Variants in TCERG1L observed in about 807,000 individuals in gnomAD.
TCERG1L encodes transcription elongation regulator 1 like, also known as transcription elongation regulator 1-like protein.
Under a neutral mutation model 56.3 loss-of-function variants are expected in TCERG1L, and 37 were observed. The observed-to-expected ratio is 0.66, with a 90% confidence interval of 0.51 to 0.87. The LOEUF (loss-of-function observed/expected upper bound fraction) is 0.87, where lower values mean the gene tolerates loss of function less well. Ranked by LOEUF, TCERG1L falls within the 40% of genes least tolerant of loss-of-function variation. TCERG1L has a pLI of 0.00. For synonymous variants in TCERG1L, 324 were observed against 326.3 expected (o/e 0.99, Z 0.08); for missense variants, 799 against 774.2 (o/e 1.03, Z -0.38).
At chr10:131,154,218 A>G (rs757615997) in intron 6 of TCERG1L, among the ~76,000 whole-genome samples, 1 of 152,130 alleles carries the variant, frequency 6.6e-6, no homozygotes, top group African/African-American at 2.4e-5. Context: ...CATCCACACC[A>G]AGCAGCCGCA....
chr10:131,120,592 T>G (rs1393980061), intron 8 of TCERG1L, among the ~76,000 whole-genome samples: 3 of 152,258 alleles, frequency 2.0e-5, no homozygotes, highest in African/African-American at 7.2e-5. Flanking sequence ...CCAGCCAGGC[T>G]GAGGCACCCA....
chr10:131,140,117 T>C (rs895758451), intron 7 of TCERG1L, among the ~76,000 whole-genome samples: 3 of 152,226 alleles, frequency 2.0e-5, no homozygotes, highest in Admixed American at 2.0e-4. Flanking sequence ...GATGGGATCC[T>C]AGGCACGCCT....
At chr10:131,138,867 A>C (rs1024671647) in intron 7 of TCERG1L, among the ~76,000 whole-genome samples, 3 of 152,236 alleles carry the variant, frequency 2.0e-5, no homozygotes, top group African/African-American at 7.2e-5. Context: ...CAGTGAGAAA[A>C]AAAATCAAGG....
chr10:131,135,390 C>T (rs10829916), intron 7 of TCERG1L, among the ~76,000 whole-genome samples: 38,823 of 151,960 alleles, frequency 0.26, 5,448 homozygotes, highest in East Asian at 0.33. Flanking sequence ...GCGCTCAGCT[C>T]AGGATGAGCC....
chr10:131,253,028 A>G (rs190841094), intron 4 of TCERG1L, among the ~76,000 whole-genome samples: 53 of 152,326 alleles, frequency 3.5e-4, no homozygotes, highest in African/African-American at 1.2e-3. Context: ...TTGAGGCCGT[A>G]GCGCCTTCCC....
intron 4 of TCERG1L, among the ~76,000 whole-genome samples, chr10:131,216,551 T>C (rs1845671188): frequency 6.6e-6 from 1 of 152,198 alleles, no homozygotes; most frequent in African/African-American, 2.4e-5. Flanking sequence ...CTGAGTCTCC[T>C]CAGAGCCAGG....
intron 6 of TCERG1L, chr10:131,162,453 T>C (rs1845988743): frequency 6.6e-6 from 1 of 152,208 alleles, no homozygotes; most frequent in African/African-American, 2.4e-5. Context: ...GCAAGGCTGG[T>C]GGGGGCCCTG....
At chr10:131,270,574 G>A (rs930397351) in intron 3 of TCERG1L, among the ~76,000 whole-genome samples, 6 of 152,212 alleles carry the variant, frequency 3.9e-5, no homozygotes, top group East Asian at 1.9e-4. Flanking sequence ...GAGAGGGTGC[G>A]GAGCCAACAT....
intron 6 of TCERG1L, among the ~76,000 whole-genome samples, chr10:131,152,759 GT>G (rs1211904805): frequency 1.6e-4 from 24 of 152,210 alleles, no homozygotes; most frequent in African/African-American, 5.3e-4. Context: ...ATGAAGAGAG[GT>G]TTAATTGACT....
intron 4 of TCERG1L, among the ~76,000 whole-genome samples, chr10:131,206,986 T>A (rs1353067776): frequency 6.6e-6 from 1 of 152,202 alleles, no homozygotes; most frequent in Non-Finnish European, 1.5e-5. Context: ...TAGGCCTTTC[T>A]TGGCGTCCCC....
intron 7 of TCERG1L, among the ~76,000 whole-genome samples, chr10:131,136,292 CT>C (rs1845674645): frequency 6.6e-6 from 1 of 152,364 alleles, no homozygotes. Flanking sequence ...TTTATGCCCC[CT>C]GCTTCCCAAG....
At chr10:131,125,643 G>C (rs1237032524) in intron 8 of TCERG1L, among the ~76,000 whole-genome samples, 1 of 152,236 alleles carries the variant, frequency 6.6e-6, no homozygotes, top group Non-Finnish European at 1.5e-5. Flanking sequence ...ACATCCATCA[G>C]GGTGGGCTGC....
chr10:131,148,329 CACAT>C (rs1332961220), intron 6 of TCERG1L, among the ~76,000 whole-genome samples: 1 of 151,120 alleles, frequency 6.6e-6, no homozygotes, highest in Non-Finnish European at 1.5e-5. Flanking sequence ...CACACAAACA[CACAT>C]ACACACAAAC....
At chr10:131,201,321 G>A (rs1167092875) in intron 4 of TCERG1L, among the ~76,000 whole-genome samples, 1 of 152,172 alleles carries the variant, frequency 6.6e-6, no homozygotes, top group Non-Finnish European at 1.5e-5. Flanking sequence ...CACAAGGCAG[G>A]GACAGCGACA....
At chr10:131,136,815 T>C (rs1845680594) in intron 7 of TCERG1L, among the ~76,000 whole-genome samples, 1 of 151,628 alleles carries the variant, frequency 6.6e-6, no homozygotes, top group African/African-American at 2.4e-5. Flanking sequence ...CATTTCTACT[T>C]CCTGGCTGTG....
chr10:131,109,564 G>C (rs745921184), intron 9 of TCERG1L, among the ~76,000 whole-genome samples: 1 of 152,210 alleles, frequency 6.6e-6, no homozygotes, highest in Non-Finnish European at 1.5e-5. Flanking sequence ...CCCCCGGCTG[G>C]AGTGAGAGTG....
chr10:131,195,264 A>T (rs2133467196), intron 4 of TCERG1L, among the ~76,000 whole-genome samples: 1 of 152,256 alleles, frequency 6.6e-6, no homozygotes, highest in East Asian at 1.9e-4. Flanking sequence ...ATCTGCCCAT[A>T]CCTGGCCGGT....
intron 4 of TCERG1L, among the ~76,000 whole-genome samples, chr10:131,238,514 C>T (rs143201562): frequency 9.1e-4 from 139 of 152,246 alleles, no homozygotes; most frequent in Middle Eastern, 3.4e-3. Context: ...ATTTCACAAG[C>T]GGACACAAGT....
chr10:131,131,317 A>G (rs918492888), intron 8 of TCERG1L, among the ~76,000 whole-genome samples: 2 of 152,164 alleles, frequency 1.3e-5, no homozygotes, highest in Non-Finnish European at 2.9e-5. Context: ...CCCAGAGCCC[A>G]TTTGAAAGAG....
Sources: allele counts gnomAD v4.1 joint callset (sites outside exome capture counted in the v4.1 genomes callset), GRCh38; gene constraint gnomAD v4.1.1; transcripts MANE v1.5; gene names NCBI Gene and HGNC (gene_info 2026-07-23, HGNC 2026-07-21).